Variants in PMFBP1 observed in about 807,000 individuals in gnomAD.
PMFBP1 encodes polyamine modulated factor 1 binding protein 1, also known as polyamine-modulated factor 1-binding protein 1.
In PMFBP1, 131 loss-of-function variants were observed where a neutral mutation model predicts 137.8. That is an observed-to-expected ratio of 0.95 (90% CI 0.82 to 1.10). The LOEUF (loss-of-function observed/expected upper bound fraction) is 1.10. Ranked by LOEUF, PMFBP1 falls within the 50% of genes least tolerant of loss-of-function variation. The probability of loss-of-function intolerance (pLI) is 0.00; values close to 1 mark genes in which losing one functional copy is unlikely to be tolerated. For missense variants in PMFBP1, 1,199 were observed against 1,175.4 expected, an observed-to-expected ratio of 1.02 and a Z score of -0.29; for synonymous variants, 490 against 450.4, an observed-to-expected ratio of 1.09 and a Z score of -1.11.
At chr16:72,203,620 C>T in the PMFBP1 span, among the ~76,000 whole-genome samples, 3 of 152,104 alleles carry the variant, frequency 2.0e-5, no homozygotes, top group South Asian at 4.2e-4. Context: ...GTGGCAAGTA[C>T]GGATGGTGGC....
rs2042346868 is a variant in PMFBP1 at position 72,119,656 on chromosome 16, A to C, written c.3007+195T>G. On this transcript the variant is annotated intron_variant, in intron 20 of 20. Coordinates refer to ENST00000237353, the MANE Select transcript of PMFBP1 (RefSeq NM_031293.3). ...TGTGAGGCACTTGGGTATGCTTCAGATGTTCTTAGATCAGAAGGGGTCTTA... is the reference window on the plus strand; with the variant it reads ...TGTGAGGCACTTGGGTATGCTTCAGCTGTTCTTAGATCAGAAGGGGTCTTA... 2.1e-6 allele frequency: 3 copies of C among 1,446,672 alleles called. No homozygotes were observed. In the Admixed American group the frequency reaches 8.5e-5, roughly 41 times the overall value. 89.6% of individuals were successfully genotyped at this position (1,446,672 alleles called of 1,614,324 possible).
the PMFBP1 span, among the ~76,000 whole-genome samples, chr16:72,200,682 T>C: frequency 6.6e-6 from 1 of 152,266 alleles, no homozygotes; most frequent in Non-Finnish European, 1.5e-5. Flanking sequence ...TGTTCGTTAA[T>C]CTATAGTCAA....
At chr16:72,210,725 C>T in the PMFBP1 span, among the ~76,000 whole-genome samples, 1 of 152,206 alleles carries the variant, frequency 6.6e-6, no homozygotes, top group Non-Finnish European at 1.5e-5. Context: ...ATGAGGAAAA[C>T]AGGGGCAATT....
intron 14 of PMFBP1, among the ~76,000 whole-genome samples, chr16:72,127,930 T>C (rs1252583967): frequency 6.6e-6 from 1 of 152,244 alleles, no homozygotes; most frequent in Admixed American, 6.5e-5. Flanking sequence ...CTTTCATTTG[T>C]AGCCCAAGAG....
chr16:72,180,369 A>G (rs181454458), upstream of PMFBP1, among the ~76,000 whole-genome samples: 68 of 152,206 alleles, frequency 4.5e-4, 1 homozygote, highest in Admixed American at 1.6e-3. Flanking sequence ...AAGACCTCAT[A>G]CTTTTCACAA....
chr16:72,214,528 A>G, the PMFBP1 span, among the ~76,000 whole-genome samples: 1 of 152,238 alleles, frequency 6.6e-6, no homozygotes. Context: ...TTCCTAATGT[A>G]TGTGAGGCCA....
chr16:72,240,905 G>A, the PMFBP1 span, among the ~76,000 whole-genome samples: 1 of 151,330 alleles, frequency 6.6e-6, no homozygotes, highest in Non-Finnish European at 1.5e-5. Flanking sequence ...GTTGGGTGGT[G>A]TGTGTGTGAG....
upstream of PMFBP1, among the ~76,000 whole-genome samples, chr16:72,173,528 T>G (rs2043239653): frequency 6.6e-6 from 1 of 152,150 alleles, no homozygotes; most frequent in African/African-American, 2.4e-5. Context: ...TATATTGAAA[T>G]TTACTAAGTA....
At position 72,125,282 on chromosome 16, in the gene PMFBP1, C is replaced by T; in HGVS notation, c.2377G>A (p.Glu793Lys). 6.2e-7 allele frequency: 1 copy of T among 1,614,156 alleles called. No homozygotes were observed. The highest frequency in any genetic ancestry group is 8.5e-7 in the Non-Finnish European group (1 of 1,180,026). ...TGGAAGCCCCGCAGTTTTCTTAATT[C>T]CGTATTGAGCTTTTTCATCCTTTCC... is the stretch of plus-strand genomic sequence containing the variant. Reference protein sequence around the residue: ...YEERMKKLNTELRKLRGFHQE... With the variant: ...YEERMKKLNTKLRKLRGFHQE... The change falls in exon 16 of 21, where the codon GAA (glutamate) becomes AAA (lysine). Residue 793 changes from glutamate (E) to lysine (K), a missense_variant. Transcript: ENST00000237353.
intron 20 of PMFBP1, 89 bp from the exon 21 acceptor site, chr16:72,119,443 T>C: frequency 6.2e-7 from 1 of 1,610,588 alleles, no homozygotes; most frequent in Non-Finnish European, 8.5e-7. Context: ...GCCAGGCAGC[T>C]CTGCTGCAGG....
At chr16:72,231,008 A>G in the PMFBP1 span, among the ~76,000 whole-genome samples, 1 of 152,196 alleles carries the variant, frequency 6.6e-6, no homozygotes. Flanking sequence ...TCTCCTGGAG[A>G]CAGGTTGACT....
At position 72,164,781 on chromosome 16, in the gene PMFBP1, C is replaced by T. The variant is rs1411729434; in HGVS notation, c.148G>A (p.Ala50Thr). ...TCCCTTACGTGGCTGCTGTTCATTG[C>T]CTCCTCCATGCAGAGCTGATTGTCC... ...LQDNQLCMEE[A>T]MNSSHDKKQA... Residue 50 changes from alanine to threonine, a missense_variant, in exon 3 of 21, where the codon GCA (alanine) becomes ACA (threonine). Transcript: ENST00000237353. The T allele has an allele frequency of 8.8e-6, 14 of 1,593,130 alleles. No individual in the cohort carries two copies. Among genetic ancestry groups the T allele is most frequent in the Non-Finnish European group, 1.1e-5 (13 of 1,163,800 alleles).
At chr16:72,129,006 G>C (rs1204834810) in intron 13 of PMFBP1, 60 bp downstream of exon 13, 1 of 1,575,274 alleles carries the variant, frequency 6.3e-7, no homozygotes, top group African/African-American at 1.4e-5. Flanking sequence ...TGGAGGCCCA[G>C]GTGGGGTCAT....
chr16:72,130,453 C>T, intron 11 of PMFBP1, 80 bp downstream of exon 11: 2 of 1,605,922 alleles, frequency 1.2e-6, no homozygotes, highest in Non-Finnish European at 1.7e-6. Flanking sequence ...TCTCCCACGC[C>T]TGGGCAGCTG....
At chr16:72,202,740 A>T in the PMFBP1 span, among the ~76,000 whole-genome samples, 1 of 152,182 alleles carries the variant, frequency 6.6e-6, no homozygotes, top group Non-Finnish European at 1.5e-5. Flanking sequence ...GGCATGCTGC[A>T]TGTCACCTGC....
intron 5 of PMFBP1, among the ~76,000 whole-genome samples, chr16:72,144,214 C>T (rs1194564170): frequency 6.6e-6 from 1 of 152,028 alleles, no homozygotes; most frequent in African/African-American, 2.4e-5. Context: ...AAAAATATGT[C>T]ATATTCCACA....
chr16:72,192,544 TTATTCTAAGGGAAGAATAGAATAAG>T, the PMFBP1 span, among the ~76,000 whole-genome samples: 1 of 152,316 alleles, frequency 6.6e-6, no homozygotes, highest in South Asian at 2.1e-4. Context: ...TTACAGGATT[TTATTCTAAGGGAAGAATAGAATAAG>T]TATGCAAAGA....
chr16:72,167,877 T>C (rs767583049), intron 2 of PMFBP1, among the ~76,000 whole-genome samples: 2 of 152,206 alleles, frequency 1.3e-5, no homozygotes, highest in East Asian at 3.8e-4. Context: ...ATGCCAACGA[T>C]ACACACTTGA....
chr16:72,156,452 A>C (rs1260038533), intron 3 of PMFBP1, among the ~76,000 whole-genome samples: 2 of 151,976 alleles, frequency 1.3e-5, no homozygotes, highest in African/African-American at 4.8e-5. Flanking sequence ...CCCCGTCTCC[A>C]CTAAAAATAC....
Sources: gnomAD v4.1 joint callset for allele counts (sites outside exome capture counted in the v4.1 genomes callset) on GRCh38, gnomAD v4.1.1 for gene constraint, MANE v1.5 for transcripts, NCBI Gene and HGNC (gene_info 2026-07-23, HGNC 2026-07-21) for gene names.